The following TMEM131 variants were observed in gnomAD, a reference collection of about 807,000 sequenced individuals.
TMEM131 encodes transmembrane protein 131, also known as 2610524E03Rik.
In TMEM131, 66 loss-of-function variants were observed where a neutral mutation model predicts 211.6. The ratio of observed to expected loss-of-function variants is 0.31; its 90% CI spans 0.26 to 0.38. The LOEUF (loss-of-function observed/expected upper bound fraction) is 0.38. Ranked by LOEUF, TMEM131 falls within the 10% of genes least tolerant of loss-of-function variation. The pLI is 1.00. For missense variants in TMEM131, 2,036 were observed against 2,299.3 expected (o/e 0.89, Z 2.34); for synonymous variants, 844 against 841.3 (o/e 1.00, Z -0.06).
At chr2:97,944,537 G>C (rs1336793512) in intron 1 of TMEM131, among the ~76,000 whole-genome samples, 2 of 152,102 alleles carry the variant, frequency 1.3e-5, no homozygotes, top group African/African-American at 4.8e-5. Context: ...ACAACCCACA[G>C]GATGGGAGAA....
intron 2 of TMEM131, among the ~76,000 whole-genome samples, chr2:97,921,155 G>A (rs1676724993): frequency 6.6e-6 from 1 of 152,096 alleles, no homozygotes. Context: ...CTGGTATTAG[G>A]ATAGACAAAT....
intron 10 of TMEM131, among the ~76,000 whole-genome samples, chr2:97,834,269 C>T (rs1682840508): frequency 1.3e-5 from 2 of 152,156 alleles, no homozygotes; most frequent in African/African-American, 4.8e-5. Flanking sequence ...TTTAATAACT[C>T]ATATCTAAAC....
chr2:97,858,320 T>C (rs1266259307), intron 5 of TMEM131, among the ~76,000 whole-genome samples: 3 of 152,202 alleles, frequency 2.0e-5, no homozygotes, highest in Non-Finnish European at 2.9e-5. Flanking sequence ...AACCTATATA[T>C]TAAAGTTTTA....
intron 8 of TMEM131, 51 bp from the exon 9 acceptor site, chr2:97,834,976 A>G: frequency 6.3e-7 from 1 of 1,596,914 alleles, no homozygotes; most frequent in Non-Finnish European, 8.6e-7. Flanking sequence ...ATGTAGCAAA[A>G]CCACCATTTT....
chr2:97,850,144 C>T (rs1468953377), intron 5 of TMEM131, among the ~76,000 whole-genome samples: 1 of 151,472 alleles, frequency 6.6e-6, no homozygotes, highest in Non-Finnish European at 1.5e-5. Flanking sequence ...TATCATTTTC[C>T]CATCTAAGAT....
rs757009748 is a variant in TMEM131, at chr2:97,759,087, T to G, written c.5207-34A>C. 1.4e-5 allele frequency: 22 copies of G among 1,613,628 alleles called. No homozygotes were observed. The South Asian group carries it at 2.1e-4, about 15-fold the overall frequency. On this transcript the variant is annotated intron_variant, in intron 39 of 40. Transcript: ENST00000186436. ...AAAGCAACAGTCATCAAGTCCATAT[T>G]TGGTTTTGCCATGATCACTATAGCA...
intron 1 of TMEM131, among the ~76,000 whole-genome samples, chr2:97,931,748 A>C (rs1677228162): frequency 6.6e-6 from 1 of 152,174 alleles, no homozygotes; most frequent in Non-Finnish European, 1.5e-5. Flanking sequence ...TACAAAAACT[A>C]GGAACAGAAG....
At chr2:97,940,817 A>T (rs1034116631) in intron 1 of TMEM131, among the ~76,000 whole-genome samples, 1 of 151,886 alleles carries the variant, frequency 6.6e-6, no homozygotes, top group Non-Finnish European at 1.5e-5. Context: ...TCAAAAAAAA[A>T]AAAAAAAGAC....
chr2:97,871,308 T>C (rs1402994563), intron 4 of TMEM131, among the ~76,000 whole-genome samples: 1 of 152,230 alleles, frequency 6.6e-6, no homozygotes, highest in Non-Finnish European at 1.5e-5. Context: ...TTGTCATTTC[T>C]GGGAACAGGC....
At chr2:97,847,660 C>T (rs1683512358) in intron 5 of TMEM131, among the ~76,000 whole-genome samples, 1 of 151,984 alleles carries the variant, frequency 6.6e-6, no homozygotes, top group African/African-American at 2.4e-5. Flanking sequence ...GAAGTAACAA[C>T]TAAATGCAAT....
At chr2:97,759,788 T>G in intron 38 of TMEM131, 39 bp from the exon 39 acceptor site, 1 of 1,500,750 alleles carries the variant, frequency 6.7e-7, no homozygotes, top group Non-Finnish European at 9.2e-7. Context: ...CACAAAAATG[T>G]ATGGTGGTTA....
Position 97,792,554 on chromosome 2 carries a change from G to C in TMEM131, c.3976C>G (p.Leu1326Val), listed in dbSNP as rs758780032. The C allele has an allele frequency of 6.1e-5, 99 of 1,613,274 alleles. 1 individual carries two copies. The East Asian group carries it at 2.2e-3, about 36-fold the overall frequency. Residue 1326 changes from leucine to valine, a missense_variant, in exon 31 of 41, where the codon CTC becomes GTC. Leu to Val is a conservative substitution (Grantham distance 32). Transcript: ENST00000186436. ...PQPERLSPAP[L>V]AHPSHPERAS... ...CGTTCTGGGTGGGAAGGGTGTGCGA[G>C]GGGGGCGGGAGACAGCCTTTCAGGC...
At chr2:97,891,419 G>C (rs1276899234) in intron 3 of TMEM131, among the ~76,000 whole-genome samples, 1 of 152,108 alleles carries the variant, frequency 6.6e-6, no homozygotes, top group Non-Finnish European at 1.5e-5. Flanking sequence ...CAAAATCTGA[G>C]ACATTATGAT....
intron 1 of TMEM131, among the ~76,000 whole-genome samples, chr2:97,967,291 C>G (rs1679101005): frequency 6.6e-6 from 1 of 151,958 alleles, no homozygotes; most frequent in African/African-American, 2.4e-5. Flanking sequence ...CTGTCTCTAA[C>G]AAAAAAATTC....
intron 7 of TMEM131, among the ~76,000 whole-genome samples, chr2:97,838,118 A>C (rs1166193962): frequency 6.6e-6 from 1 of 152,160 alleles, no homozygotes; most frequent in Non-Finnish European, 1.5e-5. Flanking sequence ...GGGACATTTG[A>C]GTTGTTTCCA....
chr2:97,902,473 G>A (rs1416883076), intron 3 of TMEM131, among the ~76,000 whole-genome samples: 3 of 152,118 alleles, frequency 2.0e-5, no homozygotes, highest in Admixed American at 1.3e-4. Context: ...ATCAAAATTG[G>A]AGGCATCAGT....
At chr2:97,983,136 CTCT>C (rs1443769825) in intron 1 of TMEM131, among the ~76,000 whole-genome samples, 12 of 152,020 alleles carry the variant, frequency 7.9e-5, no homozygotes, top group Admixed American at 3.3e-4. Flanking sequence ...CTTTTCTTCT[CTCT>C]TCTTCTTCCC....
chr2:97,844,035 C>T (rs1173250158), intron 6 of TMEM131, 110 bp downstream of exon 6: 1 of 367,464 alleles, frequency 2.7e-6, no homozygotes, highest in Admixed American at 4.7e-5. Flanking sequence ...AGTCTAAACT[C>T]CTACATTTTC....
intron 5 of TMEM131, among the ~76,000 whole-genome samples, chr2:97,852,330 G>A (rs556058167): frequency 1.6e-4 from 25 of 152,006 alleles, no homozygotes; most frequent in African/African-American, 5.8e-4. Context: ...CCCAATTTTT[G>A]TATTTTTAGT....
Sources: gnomAD v4.1 joint callset for allele counts (sites outside exome capture counted in the v4.1 genomes callset) on GRCh38, gnomAD v4.1.1 for gene constraint, MANE v1.5 for transcripts, NCBI Gene and HGNC (gene_info 2026-07-23, HGNC 2026-07-21) for gene names.